Variants in FGD6 observed in about 807,000 individuals in gnomAD.
FGD6 encodes FYVE, RhoGEF and PH domain-containing protein 6.
FGD6 carries 90 observed loss-of-function variants against 149.4 expected under a neutral mutation model. The ratio of observed to expected loss-of-function variants is 0.60; its 90% CI spans 0.51 to 0.72. FGD6 has a LOEUF of 0.72. Ranked by LOEUF, FGD6 falls within the 30% of genes least tolerant of loss-of-function variation. FGD6 has a pLI of 0.00. For missense variants in FGD6, 1,437 were observed against 1,684.8 expected (o/e 0.85, Z 2.57); for synonymous variants, 527 against 584.0 (o/e 0.90, Z 1.41).
In FGD6 at chr12:95,081,406, C is replaced by A; in HGVS notation, c.*114G>T. 1.3e-6 allele frequency: 1 copy of A among 769,486 alleles called. No individual in the cohort carries two copies. Among genetic ancestry groups the A allele is most frequent in the South Asian group, 3.4e-5 (1 of 29,162 alleles). 47.7% of individuals were successfully genotyped at this position (769,486 alleles called of 1,614,324 possible). On this transcript the variant is annotated 3_prime_UTR_variant, in exon 21 of 21. Transcript: ENST00000343958. Reference sequence around the variant, plus strand: ...CAAAACAATTTCTTTGATGAAGGGTCTGGTTGGCTTTATCTTGGCAGTGTT... The same window carrying A: ...CAAAACAATTTCTTTGATGAAGGGTATGGTTGGCTTTATCTTGGCAGTGTT...
intron 3 of FGD6, among the ~76,000 whole-genome samples, chr12:95,159,608 C>A (rs1188105734): frequency 2.0e-5 from 3 of 152,154 alleles, no homozygotes; most frequent in Non-Finnish European, 2.9e-5. Flanking sequence ...GAGGCCAAGG[C>A]AGGCAGATTG....
chr12:95,174,927 CAAAA>C (rs10687970), intron 2 of FGD6, among the ~76,000 whole-genome samples: 7 of 84,682 alleles, frequency 8.3e-5, no homozygotes, highest in African/African-American at 3.7e-4. Context: ...ACTCCATCTC[CAAAA>C]AAAAAAAAAA....
chr12:95,127,113 GC>G (rs1450156833), intron 8 of FGD6, among the ~76,000 whole-genome samples: 2 of 151,728 alleles, frequency 1.3e-5, no homozygotes, highest in East Asian at 1.9e-4. Flanking sequence ...GTGCAGGACA[GC>G]CCTACTTTTT....
At chr12:95,161,511 CA>C (rs1431049363) in intron 3 of FGD6, among the ~76,000 whole-genome samples, 5 of 151,966 alleles carry the variant, frequency 3.3e-5, no homozygotes, top group Non-Finnish European at 7.4e-5. Flanking sequence ...CAAAACAAAA[CA>C]AAAAACCCAC....
chr12:95,152,868 G>C, intron 4 of FGD6, 27 bp from the exon 5 acceptor site: 10 of 1,613,654 alleles, frequency 6.2e-6, no homozygotes, highest in Non-Finnish European at 8.5e-6. Context: ...TGAAAAAAAT[G>C]TTTTAAATGT....
At chr12:95,154,085 G>A (rs535636055) in intron 3 of FGD6, among the ~76,000 whole-genome samples, 14 of 151,958 alleles carry the variant, frequency 9.2e-5, no homozygotes, top group East Asian at 1.9e-4. Context: ...TCAGCCTCCC[G>A]AGTAGCTGGG....
intron 2 of FGD6, among the ~76,000 whole-genome samples, chr12:95,187,089 T>C (rs1592868813): frequency 6.6e-6 from 1 of 152,172 alleles, no homozygotes; most frequent in Admixed American, 6.5e-5. Context: ...CCCAGAACTT[T>C]GGGATGCCGA....
chr12:95,092,924 C>G (rs1878106049), intron 15 of FGD6, 79 bp from the exon 16 acceptor site: 7 of 1,489,302 alleles, frequency 4.7e-6, no homozygotes, highest in Non-Finnish European at 6.4e-6. Context: ...CTCACACTAC[C>G]AAGATGGGGA....
intron 2 of FGD6, among the ~76,000 whole-genome samples, chr12:95,182,607 C>T (rs1360222948): frequency 6.6e-6 from 1 of 152,186 alleles, no homozygotes; most frequent in Admixed American, 6.5e-5. Context: ...GTTTCATTTA[C>T]TATTTTAGGA....
At chr12:95,099,775 T>C (rs954526567) in intron 14 of FGD6, among the ~76,000 whole-genome samples, 2 of 152,134 alleles carry the variant, frequency 1.3e-5, no homozygotes, top group African/African-American at 4.8e-5. Context: ...ATAAATTAGA[T>C]ATTATCACTT....
At chr12:95,149,263 T>TA (rs1880197319) in intron 5 of FGD6, among the ~76,000 whole-genome samples, 3 of 39,738 alleles carry the variant, frequency 7.5e-5, no homozygotes, top group Non-Finnish European at 8.2e-5. Context: ...ATATATTATA[T>TA]ATTATATTAC....
chr12:95,092,635 C>T (rs906433438), intron 16 of FGD6, 64 bp downstream of exon 16: 1 of 1,513,146 alleles, frequency 6.6e-7, no homozygotes, highest in Non-Finnish European at 9.0e-7. Context: ...AAATATGCTT[C>T]CTCACTATGT....
chr12:95,168,067 A>AAT (rs1555221180), intron 3 of FGD6, among the ~76,000 whole-genome samples: 4 of 151,716 alleles, frequency 2.6e-5, no homozygotes, highest in Non-Finnish European at 5.9e-5. Flanking sequence ...TATTACACAC[A>AAT]TTTTTTTTAA....
intron 18 of FGD6, among the ~76,000 whole-genome samples, chr12:95,086,135 T>C (rs1209202891): frequency 2.0e-5 from 3 of 152,112 alleles, no homozygotes; most frequent in Admixed American, 6.6e-5. Flanking sequence ...TTGGTTTAAC[T>C]GTGCCTGCAC....
Position 95,078,896 on chromosome 12 carries a change from A to G in FGD6, c.*2624T>C, listed in dbSNP as rs1021470838. ...TACTCTTTCCTCCTTATGAATTAAA[A>G]GGAGATACCTGAAAAAGGGTTTGAT... On this transcript the variant is annotated 3_prime_UTR_variant, in exon 21 of 21. Transcript: ENST00000343958. The G allele has an allele frequency of 6.6e-6, 1 of 152,176 alleles. No homozygotes were observed. The highest frequency in any genetic ancestry group is 6.5e-5 in the Admixed American group (1 of 15,272). 9.4% of individuals were successfully genotyped at this position (152,176 alleles called of 1,614,324 possible). A position where few individuals can be genotyped will look rare whatever the true frequency, so the allele number is the denominator to read the frequency against.
chr12:95,121,509 A>T (rs1879192113), intron 8 of FGD6, among the ~76,000 whole-genome samples: 1 of 144,324 alleles, frequency 6.9e-6, no homozygotes, highest in Admixed American at 7.0e-5. Flanking sequence ...ATATTCCTTT[A>T]TAATTAATTT....
intron 5 of FGD6, among the ~76,000 whole-genome samples, chr12:95,141,756 A>G (rs2136263392): frequency 6.6e-6 from 1 of 152,310 alleles, no homozygotes; most frequent in African/African-American, 2.4e-5. Context: ...ATTTTCAAAC[A>G]TACTATATGA....
chr12:95,105,141 T>A, intron 13 of FGD6, 55 bp from the exon 14 acceptor site: 1 of 1,497,980 alleles, frequency 6.7e-7, no homozygotes, highest in Non-Finnish European at 9.1e-7. Flanking sequence ...ACCATATCAA[T>A]GAGCTGAAGT....
chr12:95,116,898 A>C (rs1208574758), intron 8 of FGD6: 1 of 456,022 alleles, frequency 2.2e-6, no homozygotes, highest in Non-Finnish European at 4.4e-6. Flanking sequence ...TGGGGCCTTA[A>C]CTGCAGCATA....
Sources: allele counts gnomAD v4.1 joint callset (sites outside exome capture counted in the v4.1 genomes callset), GRCh38; gene constraint gnomAD v4.1.1; transcripts MANE v1.5; gene names NCBI Gene and HGNC (gene_info 2026-07-23, HGNC 2026-07-21).